Variants in ZBTB26 observed in about 807,000 individuals in gnomAD.
The protein encoded by ZBTB26 is zinc finger and BTB domain-containing protein 26.
ZBTB26 carries 12 observed loss-of-function variants against 31.6 expected under a neutral mutation model. That is an observed-to-expected ratio of 0.38 (90% CI 0.24 to 0.61). The LOEUF is 0.61. ZBTB26 is among the 20% of genes least tolerant of loss of function. The pLI, the probability that ZBTB26 is intolerant of heterozygous loss-of-function variation, is 0.60. For missense variants in ZBTB26, 311 were observed against 521.9 expected, an observed-to-expected ratio of 0.60 and a Z score of 3.94; for synonymous variants, 155 against 182.9, an observed-to-expected ratio of 0.85 and a Z score of 1.23.
chr9:122,926,679 C>T (rs1564337172), intron 1 of ZBTB26, among the ~76,000 whole-genome samples: 1 of 152,076 alleles, frequency 6.6e-6, no homozygotes, highest in Non-Finnish European at 1.5e-5. Flanking sequence ...TAACTTCAAG[C>T]CAAATTTGCA....
At chr9:122,920,728 T>C (rs1346060623) in intron 1 of ZBTB26, among the ~76,000 whole-genome samples, 2 of 152,208 alleles carry the variant, frequency 1.3e-5, no homozygotes, top group African/African-American at 2.4e-5. Flanking sequence ...GAAAATAAGA[T>C]ACTTGATGTA....
At position 122,923,586 on chromosome 9, in the gene ZBTB26, T is replaced by C. The variant is rs533207131; in HGVS notation, c.-10-3642A>G. On this transcript the variant is annotated intron_variant, in intron 1 of 1. Transcript: ENST00000373656. The stretch of plus-strand genomic sequence containing the variant: ...TTGTAACCAGAGTTGTAAAAATGAC[T>C]GTTTCAAGTGGCCAAACAAAAGTGG... Among the ~76,000 whole-genome samples the C allele has an allele frequency of 7.9e-5, 12 of 152,358 alleles. No homozygotes were observed. In the South Asian group the frequency reaches 2.5e-3, roughly 32 times the overall value.
intron 1 of ZBTB26, among the ~76,000 whole-genome samples, chr9:122,920,427 A>G (rs1435736507): frequency 2.6e-5 from 4 of 152,220 alleles, no homozygotes; most frequent in Non-Finnish European, 4.4e-5. Flanking sequence ...ACCTCTCTGG[A>G]ATCATTCAGT....
In ZBTB26 at chr9:122,916,341, C is replaced by G. The variant is rs1833017216; in HGVS notation, c.*2268G>C. 6.6e-6 allele frequency: 1 copy of G among 152,188 alleles called. No homozygotes were observed. Among genetic ancestry groups the G allele is most frequent in the Non-Finnish European group, 1.5e-5 (1 of 68,040 alleles). The allele number at this position is 152,188 out of a possible 1,614,324, so 9.4% of individuals were successfully genotyped here. ...AGCTCCATGAGGGCAGGGACTATAT[C>G]AATCTTACCTTCATTATCCTCAGTA... On this transcript the variant is annotated 3_prime_UTR_variant, in exon 2 of 2. Coordinates refer to ENST00000373656, the MANE Select transcript of ZBTB26 (RefSeq NM_020924.4).
At chr9:122,925,188 C>A (rs1833158100) in intron 1 of ZBTB26, among the ~76,000 whole-genome samples, 1 of 151,926 alleles carries the variant, frequency 6.6e-6, no homozygotes, top group Non-Finnish European at 1.5e-5. Flanking sequence ...GCCTGGCCAA[C>A]ACGGTGAAAC....
chr9:122,926,103 C>T lies in ZBTB26; in HGVS notation c.-11+5334G>A, dbSNP rs547746397. Among the ~76,000 whole-genome samples the T allele has an allele frequency of 3.3e-5, 5 of 151,982 alleles. No homozygotes were observed. The East Asian group carries it at 7.9e-4, about 24-fold the overall frequency. On this transcript the variant is annotated intron_variant, in intron 1 of 1. Coordinates refer to ENST00000373656, the MANE Select transcript of ZBTB26 (RefSeq NM_020924.4). ...AGAGATGGAGTTTCACCATGTTGGC[C>T]AGGCTGGTCTTGAACTCCTGACCTC...
rs898511037 is a variant in ZBTB26 at position 122,915,754 on chromosome 9, G to C, written c.*2855C>G. 6.6e-6 allele frequency: 1 copy of C among 152,160 alleles called. No individual in the cohort carries two copies. The highest frequency in any genetic ancestry group is 2.4e-5 in the African/African-American group (1 of 41,440). The allele number at this position is 152,160 out of a possible 1,614,324, so 9.4% of individuals were successfully genotyped here. On this transcript the variant is annotated 3_prime_UTR_variant, in exon 2 of 2. Transcript: ENST00000373656. Reference sequence around the variant, plus strand: ...TTCCATTTATAGATCTGCTAATAAAGAAACTTAAATTAAAATCATATCTGA... The same window carrying C: ...TTCCATTTATAGATCTGCTAATAAACAAACTTAAATTAAAATCATATCTGA...
intron 1 of ZBTB26, among the ~76,000 whole-genome samples, chr9:122,923,814 G>T (rs150525766): frequency 2.6e-5 from 4 of 152,130 alleles, no homozygotes; most frequent in Non-Finnish European, 4.4e-5. Flanking sequence ...ATTTAGTCAT[G>T]TGTCATATGA....
chr9:122,919,165 A>G lies in ZBTB26; in HGVS notation c.770T>C (p.Val257Ala). 6.2e-7 allele frequency: 1 copy of G among 1,614,228 alleles called. No individual in the cohort carries two copies. Among genetic ancestry groups the G allele is most frequent in the Non-Finnish European group, 8.5e-7 (1 of 1,180,036 alleles). The part of the protein sequence containing the change: ...SDNIIMASKD[V>A]FGPNIRGVDK... ...TACACCTCGAATATTAGGGCCAAAGACATCTTTTGAGGCCATGATGATGTT... is the reference window on the plus strand; with the variant it reads ...TACACCTCGAATATTAGGGCCAAAGGCATCTTTTGAGGCCATGATGATGTT... Residue 257 changes from valine to alanine, a missense_variant, in exon 2 of 2, where the codon GTC becomes GCC. Coordinates refer to ENST00000373656, the MANE Select transcript of ZBTB26 (RefSeq NM_020924.4). This position sits in a 1 kb window ranked among gnomAD's most constrained non-coding sequence, Gnocchi z 6.1.
chr9:122,928,089 C>A, intron 1 of ZBTB26, among the ~76,000 whole-genome samples: 1 of 152,182 alleles, frequency 6.6e-6, no homozygotes, highest in East Asian at 1.9e-4. Flanking sequence ...TCCGCCTCGG[C>A]CTCCCAATGT....
At position 122,920,209 on chromosome 9, in the gene ZBTB26, C is replaced by T. The variant is rs1211782232; in HGVS notation, c.-10-265G>A. Among the ~76,000 whole-genome samples the T allele has an allele frequency of 2.0e-5, 3 of 152,200 alleles. No homozygotes were observed. The East Asian group carries it at 5.8e-4, about 29-fold the overall frequency. ...GGCATTCGTTCAACTTTTAAAGATA[C>T]TTATACGAGAATAGTGCTTGGGATA... On this transcript the variant is annotated intron_variant, in intron 1 of 1. Coordinates refer to ENST00000373656, the MANE Select transcript of ZBTB26 (RefSeq NM_020924.4).
intron 1 of ZBTB26, among the ~76,000 whole-genome samples, chr9:122,920,309 C>T (rs1462406053): frequency 6.6e-6 from 1 of 152,140 alleles, no homozygotes; most frequent in Non-Finnish European, 1.5e-5. Context: ...ATAACCCACA[C>T]AAGTAAAGAT....
chr9:122,927,696 T>G (rs1344120143), intron 1 of ZBTB26, among the ~76,000 whole-genome samples: 1 of 152,210 alleles, frequency 6.6e-6, no homozygotes, highest in Non-Finnish European at 1.5e-5. Flanking sequence ...TTAAGTAATA[T>G]ATACAGAATG....
chr9:122,920,937 T>C (rs535023521), intron 1 of ZBTB26, among the ~76,000 whole-genome samples: 1 of 152,332 alleles, frequency 6.6e-6, no homozygotes, highest in African/African-American at 2.4e-5. Context: ...TACCACCACA[T>C]CTTTCAAAAA....
rs1833038907 is a variant in ZBTB26, at chr9:122,918,104, A to G, written c.*505T>C. On this transcript the variant is annotated 3_prime_UTR_variant, in exon 2 of 2. Coordinates refer to ENST00000373656, the MANE Select transcript of ZBTB26 (RefSeq NM_020924.4). ...TCCAAGACAAGTACAAATGGTAGGA[A>G]GCAGATTCATTTATCAGACATGGAG... is the stretch of plus-strand genomic sequence containing the variant. The G allele has an allele frequency of 6.4e-6, 1 of 156,152 alleles. No homozygotes were observed. The highest frequency in any genetic ancestry group is 2.0e-4 in the South Asian group (1 of 5,100). 9.7% of individuals were successfully genotyped at this position (156,152 alleles called of 1,614,324 possible).
rs1210670703 is a variant in ZBTB26 at position 122,917,028 on chromosome 9, A to C, written c.*1581T>G. 6.6e-6 allele frequency: 1 copy of C among 152,214 alleles called. No individual in the cohort carries two copies. The highest frequency in any genetic ancestry group is 1.5e-5 in the Non-Finnish European group (1 of 68,038). The allele number at this position is 152,214 out of a possible 1,614,324, so 9.4% of individuals were successfully genotyped here. A position where few individuals can be genotyped will look rare whatever the true frequency, so the allele number is the denominator to read the frequency against. On this transcript the variant is annotated 3_prime_UTR_variant, in exon 2 of 2. Transcript: ENST00000373656. Reference sequence around the variant, plus strand: ...ATTCTTGCTTTTTCCCTCCCTAAACAAACCTAGCAAATCACTCACTTGGAT... The same window carrying C: ...ATTCTTGCTTTTTCCCTCCCTAAACCAACCTAGCAAATCACTCACTTGGAT...
chr9:122,931,340 T>A (rs1588134427), intron 1 of ZBTB26, 97 bp downstream of exon 1: 1 of 152,050 alleles, frequency 6.6e-6, no homozygotes, highest in Admixed American at 6.6e-5. Flanking sequence ...TCGGCTCCCA[T>A]CCCAGTGCAG....
intron 1 of ZBTB26, among the ~76,000 whole-genome samples, chr9:122,923,017 C>G (rs56003119): frequency 6.6e-6 from 1 of 152,002 alleles, no homozygotes; most frequent in South Asian, 2.1e-4. Flanking sequence ...AACCCCATCT[C>G]TACTAAAAAC....
At chr9:122,931,016 G>C (rs1310280877) in intron 1 of ZBTB26, 3 of 152,246 alleles carry the variant, frequency 2.0e-5, no homozygotes, top group Non-Finnish European at 2.9e-5. Context: ...GCTGCGACCA[G>C]TGGCCAAATA....
Sources: gnomAD v4.1 joint callset for allele counts (sites outside exome capture counted in the v4.1 genomes callset) on GRCh38, gnomAD v4.1.1 for gene constraint, Gnocchi (gnomAD v3.1) non-coding constraint, MANE v1.5 for transcripts, NCBI Gene and HGNC (gene_info 2026-07-23, HGNC 2026-07-21) for gene names.